PPP2R2B: variants seen among roughly 807,000 people sequenced by gnomAD.
The protein encoded by PPP2R2B is protein phosphatase 2 regulatory subunit Bbeta, also known as serine/threonine-protein phosphatase 2A 55 kDa regulatory subunit B beta isoform.
Under a neutral mutation model 46.0 loss-of-function variants are expected in PPP2R2B, and 5 were observed. The ratio of observed to expected loss-of-function variants is 0.11; its 90% CI spans 0.06 to 0.23. PPP2R2B has a LOEUF of 0.23. Among genes scored for constraint, PPP2R2B ranks in the 10% least tolerant of loss-of-function variants. PPP2R2B has a pLI of 1.00. For missense variants in PPP2R2B, 367 were observed against 575.0 expected (o/e 0.64, Z 3.70); for synonymous variants, 215 against 206.7 (o/e 1.04, Z -0.34).
chr5:146,839,242 C>G (rs1030644781), intron 2 of PPP2R2B, among the ~76,000 whole-genome samples: 2 of 152,128 alleles, frequency 1.3e-5, no homozygotes, highest in African/African-American at 2.4e-5. Flanking sequence ...TATATGTGGC[C>G]GGGTGCAGTG....
At chr5:146,991,343 T>C (rs1175445821) in intron 1 of PPP2R2B, among the ~76,000 whole-genome samples, 1 of 152,022 alleles carries the variant, frequency 6.6e-6, no homozygotes, top group African/African-American at 2.4e-5. Context: ...TACAGATAAA[T>C]GTATAAATCT....
upstream of PPP2R2B, among the ~76,000 whole-genome samples, chr5:147,056,744 C>T (rs1007123442): frequency 1.3e-5 from 2 of 152,060 alleles, no homozygotes; most frequent in Non-Finnish European, 2.9e-5. Flanking sequence ...CATGACCAAC[C>T]ACAAGATATA....
At chr5:147,032,378 G>A (rs543074539) in intron 1 of PPP2R2B, among the ~76,000 whole-genome samples, 8 of 152,190 alleles carry the variant, frequency 5.3e-5, no homozygotes, top group Non-Finnish European at 1.0e-4. Context: ...AATGGCACTG[G>A]AACAGAGGTG....
intron 1 of PPP2R2B, among the ~76,000 whole-genome samples, chr5:146,994,703 C>T (rs1214025347): frequency 6.6e-6 from 1 of 152,154 alleles, no homozygotes; most frequent in African/African-American, 2.4e-5. Context: ...CTGCCCAACA[C>T]TTCAGATGCT....
chr5:146,872,368 C>T (rs1761663944), intron 2 of PPP2R2B, among the ~76,000 whole-genome samples: 1 of 152,218 alleles, frequency 6.6e-6, no homozygotes, highest in Admixed American at 6.5e-5. Context: ...AGAGCTCAAA[C>T]ATTCATCCAT....
intron 2 of PPP2R2B, among the ~76,000 whole-genome samples, chr5:147,075,434 TC>T (rs1757733728): frequency 6.6e-6 from 1 of 152,160 alleles, no homozygotes; most frequent in Non-Finnish European, 1.5e-5. Context: ...CTCATTCAGT[TC>T]ATTGGTGCCA....
At chr5:146,800,031 G>A (rs1193441159) in intron 2 of PPP2R2B, among the ~76,000 whole-genome samples, 2 of 151,510 alleles carry the variant, frequency 1.3e-5, no homozygotes, top group Non-Finnish European at 2.9e-5. Flanking sequence ...GTGTGGAATC[G>A]ATCTGAAAAA....
At chr5:146,706,611 T>C in intron 2 of PPP2R2B, 1 of 814,606 alleles carries the variant, frequency 1.2e-6, no homozygotes, top group Non-Finnish European at 2.1e-6. Flanking sequence ...CCTGCGCTGC[T>C]CCGCATCTGC....
intron 1 of PPP2R2B, among the ~76,000 whole-genome samples, chr5:146,942,005 G>A (rs1187317049): frequency 1.3e-5 from 2 of 152,154 alleles, no homozygotes; most frequent in Middle Eastern, 3.4e-3. Flanking sequence ...GCCTCACTCC[G>A]GTCTCCGCCT....
chr5:147,049,206 A>G (rs1756682405), intron 1 of PPP2R2B, among the ~76,000 whole-genome samples: 1 of 152,050 alleles, frequency 6.6e-6, no homozygotes, highest in South Asian at 2.1e-4. Context: ...ACGCAATTGG[A>G]TTCCTGATAT....
At chr5:146,829,875 G>A (rs1393440080) in intron 2 of PPP2R2B, among the ~76,000 whole-genome samples, 1 of 152,058 alleles carries the variant, frequency 6.6e-6, no homozygotes, top group Non-Finnish European at 1.5e-5. Context: ...TAGTAGTTTA[G>A]GTTCTAGAGT....
chr5:146,940,419 T>C (rs918319120), intron 1 of PPP2R2B, among the ~76,000 whole-genome samples: 3 of 152,092 alleles, frequency 2.0e-5, no homozygotes, highest in Non-Finnish European at 2.9e-5. Flanking sequence ...GCTTTCATTT[T>C]GGATTGTGAG....
intron 3 of PPP2R2B, among the ~76,000 whole-genome samples, chr5:146,699,733 T>C (rs1779425243): frequency 6.6e-6 from 1 of 151,126 alleles, no homozygotes; most frequent in African/African-American, 2.5e-5. Context: ...CAAAAGACTT[T>C]AAATGCTGAC....
At chr5:146,694,412 A>AT (rs961815240) in intron 4 of PPP2R2B, among the ~76,000 whole-genome samples, 3 of 152,182 alleles carry the variant, frequency 2.0e-5, no homozygotes, top group East Asian at 1.9e-4. Flanking sequence ...TTAATACCAA[A>AT]TTTTTTTTGT....
chr5:146,632,778 TGG>T (rs1194493684), intron 7 of PPP2R2B, among the ~76,000 whole-genome samples: 4 of 151,924 alleles, frequency 2.6e-5, no homozygotes, highest in African/African-American at 7.3e-5. Context: ...GTAGAGTGTG[TGG>T]GGGGCAGGGA....
At chr5:147,054,986 A>T (rs1757007538) in intron 1 of PPP2R2B, among the ~76,000 whole-genome samples, 1 of 152,222 alleles carries the variant, frequency 6.6e-6, no homozygotes, top group Admixed American at 6.5e-5. Context: ...CAAGGCACAC[A>T]TACACGTATG....
chr5:147,012,021 A>G (rs1396812717), intron 1 of PPP2R2B, among the ~76,000 whole-genome samples: 11 of 149,432 alleles, frequency 7.4e-5, no homozygotes, highest in Admixed American at 6.1e-4. Context: ...TTCATCAAGG[A>G]TAGTGGTCTA....
intron 1 of PPP2R2B, among the ~76,000 whole-genome samples, chr5:147,043,683 C>G (rs1369820405): frequency 3.3e-5 from 5 of 152,190 alleles, no homozygotes; most frequent in Non-Finnish European, 7.3e-5. Flanking sequence ...GTGCAAGGCA[C>G]TGTGCTGCTT....
At chr5:146,918,118 C>T (rs775596941) in intron 1 of PPP2R2B, among the ~76,000 whole-genome samples, 4 of 152,102 alleles carry the variant, frequency 2.6e-5, no homozygotes, top group Non-Finnish European at 5.9e-5. Flanking sequence ...GCAAAGAATC[C>T]ATTATGAAAA....
Sources: allele counts gnomAD v4.1 joint callset (sites outside exome capture counted in the v4.1 genomes callset), GRCh38; gene constraint gnomAD v4.1.1; transcripts MANE v1.5; gene names NCBI Gene and HGNC (gene_info 2026-07-23, HGNC 2026-07-21).